The following NRXN3 variants were observed in gnomAD, a reference collection of about 807,000 sequenced individuals.
NRXN3 encodes neurexin III.
In NRXN3, 32 loss-of-function variants were observed where a neutral mutation model predicts 137.6. That is an observed-to-expected ratio of 0.23 (90% CI 0.18 to 0.31). The LOEUF is 0.31. NRXN3 is among the 10% of genes least tolerant of loss of function. The probability of loss-of-function intolerance (pLI) is 1.00; values close to 1 mark genes in which losing one functional copy is unlikely to be tolerated. For synonymous variants in NRXN3, 798 were observed against 784.5 expected, an observed-to-expected ratio of 1.02 and a Z score of -0.29; for missense variants, 1,574 against 2,062.5, an observed-to-expected ratio of 0.76 and a Z score of 4.59.
rs368979844 is a variant in NRXN3 at position 79,605,636 on chromosome 14, C to T, written c.3445-58142C>T. Among the ~76,000 whole-genome samples, 58 of 152,116 alleles carry T rather than the reference C, an allele frequency of 3.8e-4. 1 individual carries two copies. The South Asian group carries it at 8.3e-3, about 22-fold the overall frequency. The stretch of plus-strand genomic sequence containing the variant: ...CCGAGTAGCTGGGACTACAGGTGTG[C>T]GCCACCACGCCCAGCTAATTTTTTT... On this transcript the variant is annotated intron_variant, in intron 16 of 20. Transcript: ENST00000335750.
chr14:79,434,642 GC>G (rs2095815190), intron 15 of NRXN3, among the ~76,000 whole-genome samples: 1 of 152,244 alleles, frequency 6.6e-6, no homozygotes, highest in East Asian at 1.9e-4. Context: ...TTTCACTGCT[GC>G]CTTCTGTCAA....
chr14:78,398,338 C>T (rs2091716183), intron 4 of NRXN3, among the ~76,000 whole-genome samples: 2 of 151,658 alleles, frequency 1.3e-5, no homozygotes, highest in South Asian at 4.2e-4. Flanking sequence ...GATGTGTTTC[C>T]ATTGAAACCT....
chr14:78,640,755 A>T (rs982174759), intron 4 of NRXN3, among the ~76,000 whole-genome samples: 9 of 152,236 alleles, frequency 5.9e-5, no homozygotes, highest in African/African-American at 2.2e-4. Flanking sequence ...TGTTTAATCA[A>T]TTGGACACTT....
intron 19 of NRXN3, among the ~76,000 whole-genome samples, chr14:79,750,362 G>T (rs895865356): frequency 6.6e-6 from 1 of 152,076 alleles, no homozygotes; most frequent in Admixed American, 6.6e-5. Context: ...AAGTAATTAT[G>T]TGCTCAACTA....
chr14:79,099,675 G>A (rs904142408), intron 15 of NRXN3, among the ~76,000 whole-genome samples: 17 of 152,068 alleles, frequency 1.1e-4, no homozygotes, highest in African/African-American at 4.1e-4. Context: ...TGAGACATGA[G>A]ACATTGACTG....
chr14:79,161,505 T>C (rs1290403054), intron 15 of NRXN3, among the ~76,000 whole-genome samples: 1 of 151,958 alleles, frequency 6.6e-6, no homozygotes, highest in Non-Finnish European at 1.5e-5. Context: ...TACACAATGA[T>C]TATTTGCATT....
In NRXN3 at chr14:79,643,923, A is replaced by G. The variant is rs546791702; in HGVS notation, c.3445-19855A>G. ...CTATGTTTTGACAGCTATTTTGACT[A>G]TGTCTTATCTACCCAATTGTAAACT... is the stretch of plus-strand genomic sequence containing the variant. On this transcript the variant is annotated intron_variant, in intron 16 of 20. Coordinates refer to ENST00000335750, the MANE Select transcript of NRXN3 (RefSeq NM_001330195.2). 2.9e-4 allele frequency among the ~76,000 whole-genome samples: 39 copies of G among 135,574 alleles called. 2 individuals are homozygous for G. The highest frequency in any genetic ancestry group is 9.1e-4 in the African/African-American group (37 of 40,864). 88.9% of individuals were successfully genotyped at this position (135,574 alleles called of 152,430 possible).
intron 4 of NRXN3, among the ~76,000 whole-genome samples, chr14:78,602,890 T>G (rs2152440841): frequency 6.6e-6 from 1 of 152,270 alleles, no homozygotes; most frequent in East Asian, 1.9e-4. Context: ...GGATGGAATA[T>G]TGGTTTCCCT....
At chr14:79,164,438 T>C (rs1449664872) in intron 15 of NRXN3, among the ~76,000 whole-genome samples, 1 of 152,038 alleles carries the variant, frequency 6.6e-6, no homozygotes, top group East Asian at 1.9e-4. Flanking sequence ...ATTTTGTTTA[T>C]GTGTCTAATA....
At chr14:78,960,186 C>A (rs2099405348) in intron 11 of NRXN3, among the ~76,000 whole-genome samples, 2 of 152,202 alleles carry the variant, frequency 1.3e-5, no homozygotes, top group African/African-American at 2.4e-5. Flanking sequence ...CCCCGAACTT[C>A]ACTGCTGATG....
At chr14:78,469,071 C>A (rs774826995) in intron 4 of NRXN3, among the ~76,000 whole-genome samples, 1 of 152,070 alleles carries the variant, frequency 6.6e-6, no homozygotes, top group African/African-American at 2.4e-5. Flanking sequence ...CAAGGAGAAA[C>A]CTTCTCCACC....
chr14:79,823,534 C>T (rs1403502755), intron 20 of NRXN3, among the ~76,000 whole-genome samples: 1 of 152,012 alleles, frequency 6.6e-6, no homozygotes, highest in African/African-American at 2.4e-5. Context: ...CATGATCACA[C>T]CACTGCACTC....
chr14:78,880,722 C>T (rs1245856186), intron 10 of NRXN3, among the ~76,000 whole-genome samples: 1 of 152,054 alleles, frequency 6.6e-6, no homozygotes, highest in Non-Finnish European at 1.5e-5. Context: ...GGTACATGTG[C>T]TTACAAGCAG....
rs559621361 is a variant in NRXN3, at chr14:78,765,934, A to G, written c.2045-37686A>G. Among the ~76,000 whole-genome samples the G allele has an allele frequency of 6.6e-5, 10 of 152,260 alleles. No individual in the cohort carries two copies. In the South Asian group the frequency reaches 1.9e-3, roughly 28 times the overall value. On this transcript the variant is annotated intron_variant, in intron 8 of 20. Transcript: ENST00000335750. ...GAGCTTCTCAGTGGTTATGACAAAA[A>G]GGACTTTAGCAGTTTGTGACTGTGC...
At chr14:78,571,713 G>T (rs1326108278) in intron 4 of NRXN3, among the ~76,000 whole-genome samples, 2 of 152,104 alleles carry the variant, frequency 1.3e-5, no homozygotes, top group Non-Finnish European at 2.9e-5. Context: ...ACACATTCAC[G>T]CAACACAAAG....
chr14:79,857,322 C>A (rs183474934), intron 20 of NRXN3, among the ~76,000 whole-genome samples: 1 of 152,070 alleles, frequency 6.6e-6, no homozygotes, highest in South Asian at 2.1e-4. Context: ...CCCAGGTTCA[C>A]GCCATTCTCC....
intron 16 of NRXN3, among the ~76,000 whole-genome samples, chr14:79,561,806 G>C (rs913290149): frequency 2.0e-5 from 3 of 151,918 alleles, no homozygotes; most frequent in Non-Finnish European, 4.4e-5. Context: ...TTTAAGAAAA[G>C]AAAAGAAAAA....
At chr14:79,296,115 C>T (rs1294735372) in intron 15 of NRXN3, among the ~76,000 whole-genome samples, 1 of 152,072 alleles carries the variant, frequency 6.6e-6, no homozygotes, top group East Asian at 1.9e-4. Context: ...CCTCATTAGG[C>T]TCTGCCTTTC....
intron 15 of NRXN3, among the ~76,000 whole-genome samples, chr14:79,314,736 T>C (rs894633007): frequency 6.8e-6 from 1 of 146,534 alleles, no homozygotes; most frequent in African/African-American, 2.5e-5. Context: ...GCAGACTGCC[T>C]CCTCAAGTGG....
Sources: allele counts gnomAD v4.1 joint callset (sites outside exome capture counted in the v4.1 genomes callset), GRCh38; gene constraint gnomAD v4.1.1; transcripts MANE v1.5; gene names NCBI Gene and HGNC (gene_info 2026-07-23, HGNC 2026-07-21).